Variants in NOL4 observed in about 807,000 individuals in gnomAD.
The protein encoded by NOL4 is nucleolar protein 4.
Under a neutral mutation model 75.9 loss-of-function variants are expected in NOL4, and 17 were observed. That is an observed-to-expected ratio of 0.22 (90% CI 0.15 to 0.34). The LOEUF (loss-of-function observed/expected upper bound fraction) is 0.34. Among genes scored for constraint, NOL4 ranks in the 10% least tolerant of loss-of-function variants. The pLI, the probability that NOL4 is intolerant of heterozygous loss-of-function variation, is 1.00. For missense variants in NOL4, 614 were observed against 793.5 expected, an observed-to-expected ratio of 0.77 and a Z score of 2.72; for synonymous variants, 292 against 289.9, an observed-to-expected ratio of 1.01 and a Z score of -0.07.
At chr18:33,985,855 G>A (rs1411701197) in intron 6 of NOL4, among the ~76,000 whole-genome samples, 2 of 152,004 alleles carry the variant, frequency 1.3e-5, no homozygotes, top group Non-Finnish European at 2.9e-5. Flanking sequence ...TAAATCTATT[G>A]CCTCATCATA....
chr18:34,143,643 G>A (rs2146020185), intron 1 of NOL4, among the ~76,000 whole-genome samples: 1 of 152,090 alleles, frequency 6.6e-6, no homozygotes, highest in South Asian at 2.1e-4. Context: ...GAGGCGGGTG[G>A]ATCACTTGAG....
At chr18:33,900,823 C>T (rs2065704582) in intron 9 of NOL4, among the ~76,000 whole-genome samples, 3 of 152,136 alleles carry the variant, frequency 2.0e-5, no homozygotes, top group South Asian at 4.1e-4. Context: ...GTGGCATTTA[C>T]AGGCCAGTGA....
chr18:34,023,124 CAT>C (rs1272973835), intron 5 of NOL4, among the ~76,000 whole-genome samples: 4 of 152,130 alleles, frequency 2.6e-5, no homozygotes, highest in African/African-American at 9.7e-5. Flanking sequence ...ATCAAATATA[CAT>C]ACTCACATAT....
chr18:34,015,483 C>T (rs1400234434), intron 6 of NOL4, among the ~76,000 whole-genome samples: 3 of 151,760 alleles, frequency 2.0e-5, no homozygotes, highest in African/African-American at 7.3e-5. Context: ...CTAAAATATC[C>T]CCTTCTTATC....
chr18:34,027,749 A>G (rs4799737), intron 5 of NOL4, among the ~76,000 whole-genome samples: 104,792 of 152,096 alleles, frequency 0.69, 36,457 homozygotes, highest in African/African-American at 0.76. Flanking sequence ...CATACAGCAA[A>G]TCGCCAAATG....
At chr18:34,096,949 T>C (rs1262897538) in intron 4 of NOL4, among the ~76,000 whole-genome samples, 1 of 152,150 alleles carries the variant, frequency 6.6e-6, no homozygotes, top group African/African-American at 2.4e-5. Context: ...CCAGATATTA[T>C]CTATAAAGGG....
chr18:34,176,670 C>A (rs975308776), intron 1 of NOL4, among the ~76,000 whole-genome samples: 1 of 152,016 alleles, frequency 6.6e-6, no homozygotes, highest in Non-Finnish European at 1.5e-5. Flanking sequence ...AGAGCATGAG[C>A]GCTCTCTCTC....
At chr18:34,022,572 T>G (rs975719245) in intron 5 of NOL4, among the ~76,000 whole-genome samples, 1 of 152,086 alleles carries the variant, frequency 6.6e-6, no homozygotes, top group Non-Finnish European at 1.5e-5. Context: ...TGATTTTTAT[T>G]ACTTTATTAT....
chr18:34,081,116 T>G (rs2077991094), intron 5 of NOL4, among the ~76,000 whole-genome samples: 1 of 152,326 alleles, frequency 6.6e-6, no homozygotes, highest in South Asian at 2.1e-4. Flanking sequence ...TATGCCTAAG[T>G]GGTAACTGAT....
Position 34,162,213 on chromosome 18 carries a change from C to CAGAAGGCA in NOL4, c.265-32201_265-32194dup, listed in dbSNP as rs1448761202. Among the ~76,000 whole-genome samples the CAGAAGGCA allele has an allele frequency of 3.0e-4, 46 of 152,130 alleles. 2 individuals carry two copies. Among genetic ancestry groups the CAGAAGGCA allele is most frequent in the Admixed American group, 2.9e-3 (44 of 15,272 alleles). On this transcript the variant is annotated intron_variant, in intron 1 of 10. Transcript: ENST00000261592. ...AAGAGCAAACACATTCAAAAGCTAG[C>CAGAAGGCA]AGAAGGCAAGAAATAACTAAAATCA...
chr18:33,941,750 G>T (rs2068501830), intron 9 of NOL4, among the ~76,000 whole-genome samples: 1 of 151,874 alleles, frequency 6.6e-6, no homozygotes, highest in South Asian at 2.1e-4. Context: ...TGCACAATTA[G>T]AAAAGGTAGA....
intron 6 of NOL4, among the ~76,000 whole-genome samples, chr18:33,968,484 C>A (rs550017933): frequency 1.9e-4 from 29 of 152,128 alleles, no homozygotes; most frequent in Non-Finnish European, 4.3e-4. Context: ...AACATGGATG[C>A]AGCTGTAGGT....
At chr18:33,953,916 A>G (rs1450174252) in intron 8 of NOL4, among the ~76,000 whole-genome samples, 1 of 152,170 alleles carries the variant, frequency 6.6e-6, no homozygotes, top group African/African-American at 2.4e-5. Flanking sequence ...GTAAGAGTAA[A>G]TGAGGAGGAA....
chr18:34,019,713 T>C lies in NOL4; in HGVS notation c.773-112A>G, dbSNP rs150441625. On this transcript the variant is annotated intron_variant, in intron 5 of 10. Coordinates refer to ENST00000261592, the MANE Select transcript of NOL4 (RefSeq NM_003787.5). The stretch of plus-strand genomic sequence containing the variant: ...TATGAATGGCATTTTACATACAATA[T>C]GTAATTCATCCTCAGCAATAAGCTT... 9.3e-5 allele frequency: 83 copies of C among 887,970 alleles called. No homozygotes were observed. In the Middle Eastern group the frequency reaches 2.0e-3, roughly 21 times the overall value. 55.0% of individuals were successfully genotyped at this position (887,970 alleles called of 1,614,324 possible).
At chr18:33,857,903 T>C (rs186794760) in intron 10 of NOL4, among the ~76,000 whole-genome samples, 33 of 152,270 alleles carry the variant, frequency 2.2e-4, no homozygotes, top group South Asian at 1.0e-3. Flanking sequence ...TCGGATTGTA[T>C]TGAATTAGTT....
chr18:34,049,334 G>A (rs1257595057), intron 5 of NOL4, among the ~76,000 whole-genome samples: 1 of 151,866 alleles, frequency 6.6e-6, no homozygotes, highest in African/African-American at 2.4e-5. Context: ...AAGCCACATT[G>A]TAGGAGGGCA....
chr18:34,209,194 C>CAAAAAAAAAAAAA (rs777403436), intron 1 of NOL4, among the ~76,000 whole-genome samples: 1 of 56,458 alleles, frequency 1.8e-5, no homozygotes, highest in African/African-American at 5.5e-5. Flanking sequence ...ACTCTGTCTC[C>CAAAAAAAAAAAAA]AAAAAAAAAA....
Position 33,958,271 on chromosome 18 carries a change from C to T in NOL4, c.1204G>A (p.Gly402Ser), listed in dbSNP as rs147765916. Residue 402 changes from glycine (G) to serine (S), a missense_variant, in exon 7 of 11, where the codon GGC becomes AGC. Gly to Ser is a moderately conservative substitution (Grantham distance 56). Coordinates refer to ENST00000261592, the MANE Select transcript of NOL4 (RefSeq NM_003787.5). ...DDSEKVNETD[G>S]VEAERLKAFN... The stretch of plus-strand genomic sequence containing the variant: ...GCTTTCAGCCGCTCGGCTTCAACGC[C>T]GTCTGTCTCATTAACTTTCTCCGAA... 1.7e-3 allele frequency: 2,735 copies of T among 1,613,682 alleles called. 5 individuals carry two copies. Among genetic ancestry groups the T allele is most frequent in the Non-Finnish European group, 2.0e-3 (2,343 of 1,179,728 alleles).
intron 2 of NOL4, among the ~76,000 whole-genome samples, chr18:34,109,260 C>T (rs1159909450): frequency 2.0e-5 from 3 of 152,012 alleles, no homozygotes; most frequent in African/African-American, 7.3e-5. Flanking sequence ...CCTGTAATCC[C>T]AGCTACTTGG....
Sources: allele counts gnomAD v4.1 joint callset (sites outside exome capture counted in the v4.1 genomes callset), GRCh38; gene constraint gnomAD v4.1.1; transcripts MANE v1.5; gene names NCBI Gene and HGNC (gene_info 2026-07-23, HGNC 2026-07-21).